Variants in GALNT17 observed in about 807,000 individuals in gnomAD.
GALNT17 encodes polypeptide N-acetylgalactosaminyltransferase 17.
GALNT17 carries 29 observed loss-of-function variants against 63.7 expected under a neutral mutation model. That is an observed-to-expected ratio of 0.46 (90% CI 0.34 to 0.62). GALNT17 has a LOEUF of 0.62. GALNT17 is among the 20% of genes least tolerant of loss of function. GALNT17 has a pLI of 0.01. For missense variants in GALNT17, 603 were observed against 799.6 expected, an observed-to-expected ratio of 0.75 and a Z score of 2.97; for synonymous variants, 305 against 318.3, an observed-to-expected ratio of 0.96 and a Z score of 0.45.
intron 5 of GALNT17, among the ~76,000 whole-genome samples, chr7:71,512,191 G>A (rs1788368048): frequency 6.6e-6 from 1 of 152,058 alleles, no homozygotes; most frequent in African/African-American, 2.4e-5. Context: ...TTTTAGTAGA[G>A]ACAGGGTTTC....
At chr7:71,252,221 CAA>C (rs11366800) in intron 1 of GALNT17, among the ~76,000 whole-genome samples, 1,885 of 121,650 alleles carry the variant, frequency 0.015, 13 homozygotes, top group Non-Finnish European at 0.022. Context: ...TCCTGAAACT[CAA>C]AAAAAAAAAA....
chr7:71,467,964 T>C (rs1484761716), intron 5 of GALNT17, among the ~76,000 whole-genome samples: 1 of 151,858 alleles, frequency 6.6e-6, no homozygotes, highest in Non-Finnish European at 1.5e-5. Flanking sequence ...GCCTTGCACC[T>C]GGATTTTATG....
chr7:71,616,016 G>C (rs183306859), intron 6 of GALNT17, among the ~76,000 whole-genome samples: 73 of 150,654 alleles, frequency 4.8e-4, no homozygotes, highest in African/African-American at 1.6e-3. Context: ...CTCGATCCCA[G>C]TTTTGAATGT....
rs908888811 is a variant in GALNT17, at chr7:71,235,100, A to G, written c.239-100450A>G. Among the ~76,000 whole-genome samples, 12 of 152,158 alleles carry G rather than the reference A, an allele frequency of 7.9e-5. No individual in the cohort carries two copies. The East Asian group carries it at 2.3e-3, about 29-fold the overall frequency. The stretch of plus-strand genomic sequence containing the variant: ...ACTCTGTCTCTACTAAAATACAAAA[A>G]ATCAGCTGGGTGTGGCATCGTGCGC... On this transcript the variant is annotated intron_variant, in intron 1 of 10. Transcript: ENST00000333538.
intron 6 of GALNT17, among the ~76,000 whole-genome samples, chr7:71,637,471 G>A (rs1235721459): frequency 6.6e-6 from 1 of 150,378 alleles, no homozygotes; most frequent in Admixed American, 6.6e-5. Context: ...TTACAGGCGT[G>A]AGCCACCGCA....
chr7:71,408,366 T>C (rs2906262), intron 3 of GALNT17, among the ~76,000 whole-genome samples: 117,993 of 152,118 alleles, frequency 0.78, 46,091 homozygotes, highest in African/African-American at 0.84. Flanking sequence ...CAGCTGCTGG[T>C]GGGGAGAGGT....
intron 5 of GALNT17, among the ~76,000 whole-genome samples, chr7:71,452,343 C>T (rs187591579): frequency 1.3e-3 from 191 of 152,074 alleles, no homozygotes; most frequent in African/African-American, 4.2e-3. Flanking sequence ...GTCAGGAGTC[C>T]GAGACCAGCA....
chr7:71,174,278 C>A (rs907692145), intron 1 of GALNT17, among the ~76,000 whole-genome samples: 1 of 152,062 alleles, frequency 6.6e-6, no homozygotes, highest in Non-Finnish European at 1.5e-5. Flanking sequence ...CATAGGTTAG[C>A]GGAGAAAGAA....
At chr7:71,686,197 C>A (rs867523970) in intron 9 of GALNT17, among the ~76,000 whole-genome samples, 1 of 151,966 alleles carries the variant, frequency 6.6e-6, no homozygotes, top group South Asian at 2.1e-4. Context: ...TCAGGTGATC[C>A]GCCTGCCTAG....
intron 2 of GALNT17, among the ~76,000 whole-genome samples, chr7:71,351,425 G>A (rs530604645): frequency 2.0e-5 from 3 of 152,002 alleles, no homozygotes; most frequent in Admixed American, 6.6e-5. Context: ...GGAACCTCAG[G>A]TCACCTTATG....
chr7:71,483,440 A>G (rs1787856484), intron 5 of GALNT17, among the ~76,000 whole-genome samples: 1 of 151,602 alleles, frequency 6.6e-6, no homozygotes. Flanking sequence ...ACTGCACTCC[A>G]GCCTGGGCAA....
intron 1 of GALNT17, among the ~76,000 whole-genome samples, chr7:71,276,147 C>T (rs1790677068): frequency 6.6e-6 from 1 of 152,120 alleles, no homozygotes; most frequent in Admixed American, 6.6e-5. Flanking sequence ...CACCTGAGAA[C>T]AGCAGCCGGC....
At chr7:71,505,560 A>G (rs1015841346) in intron 5 of GALNT17, among the ~76,000 whole-genome samples, 4 of 152,136 alleles carry the variant, frequency 2.6e-5, no homozygotes, top group African/African-American at 9.7e-5. Context: ...TGATCTTGCC[A>G]CTGCTCTCCA....
chr7:71,184,955 C>A (rs1165792409), intron 1 of GALNT17, among the ~76,000 whole-genome samples: 1 of 98,910 alleles, frequency 1.0e-5, no homozygotes, highest in African/African-American at 5.6e-5. Flanking sequence ...TTCCTTCCTT[C>A]CTTCCTTCCT....
At position 71,517,097 on chromosome 7, in the gene GALNT17, G is replaced by A. The variant is rs138149130; in HGVS notation, c.963-54188G>A. 1.6e-4 allele frequency among the ~76,000 whole-genome samples: 25 copies of A among 152,272 alleles called. No homozygotes were observed. The East Asian group carries it at 2.7e-3, about 16-fold the overall frequency. On this transcript the variant is annotated intron_variant, in intron 5 of 10. Transcript: ENST00000333538. Reference sequence around the variant, plus strand: ...TTCTCATGTCTTAGCTTAGGCGACCGTAACAAAAATACCATGGACTAGGCA... The same window carrying A: ...TTCTCATGTCTTAGCTTAGGCGACCATAACAAAAATACCATGGACTAGGCA...
chr7:71,197,682 A>AGG (rs914555551), intron 1 of GALNT17, among the ~76,000 whole-genome samples: 155 of 152,200 alleles, frequency 1.0e-3, no homozygotes, highest in African/African-American at 3.6e-3. Flanking sequence ...TCCACAAATA[A>AGG]GGGAGAGTCA....
intron 1 of GALNT17, among the ~76,000 whole-genome samples, chr7:71,150,482 A>G (rs1346226545): frequency 6.6e-6 from 1 of 150,642 alleles, no homozygotes; most frequent in African/African-American, 2.4e-5. Context: ...GGGGTCCTTC[A>G]TGCCTTCTCT....
intron 8 of GALNT17, among the ~76,000 whole-genome samples, chr7:71,673,893 A>G (rs764228970): frequency 6.6e-6 from 1 of 152,230 alleles, no homozygotes; most frequent in Non-Finnish European, 1.5e-5. Flanking sequence ...ATCTGGGGCT[A>G]TAGGCATAAA....
chr7:71,334,035 T>A (rs1025520521), intron 1 of GALNT17, among the ~76,000 whole-genome samples: 1 of 152,068 alleles, frequency 6.6e-6, no homozygotes, highest in Non-Finnish European at 1.5e-5. Flanking sequence ...TGGAGTACTC[T>A]AATTCTCCGC....
Sources: allele counts gnomAD v4.1 joint callset (sites outside exome capture counted in the v4.1 genomes callset), GRCh38; gene constraint gnomAD v4.1.1; transcripts MANE v1.5; gene names NCBI Gene and HGNC (gene_info 2026-07-23, HGNC 2026-07-21).